COL20A1: variants seen among roughly 807,000 people sequenced by gnomAD.
COL20A1 encodes the protein collagen alpha-1(XX) chain.
In COL20A1, 164 loss-of-function variants were observed where a neutral mutation model predicts 152.9. That is an observed-to-expected ratio of 1.07 (90% confidence interval 0.94 to 1.22). The LOEUF (loss-of-function observed/expected upper bound fraction) is 1.22. Among genes scored for constraint, COL20A1 ranks in the 50% most tolerant of loss-of-function variants. The probability of loss-of-function intolerance (pLI) is 0.00; values close to 1 mark genes in which losing one functional copy is unlikely to be tolerated. For missense variants in COL20A1, 1,873 were observed against 1,744.8 expected (o/e 1.07, Z -1.31); for synonymous variants, 864 against 756.0 (o/e 1.14, Z -2.34).
rs1568788346 is a variant in COL20A1 at position 63,325,428 on chromosome 20, C to T, written c.3295-13C>T. 2 of 1,607,594 alleles carry T rather than the reference C, an allele frequency of 1.2e-6. No individual in the cohort carries two copies. Among genetic ancestry groups the T allele is most frequent in the Admixed American group, 1.7e-5 (1 of 59,930 alleles). On this transcript the variant is annotated splice_polypyrimidine_tract_variant and intron_variant, in intron 27 of 35. Coordinates refer to ENST00000358894, the MANE Select transcript of COL20A1 (RefSeq NM_020882.4). ...CCCTCCGCTTCGCTGTCCAGCCCAT[C>T]TTCCCCCTCCAGGGTCCACCAGGGG...
At position 63,312,406 on chromosome 20, in the gene COL20A1, CCCACCTG is replaced by C. The variant is rs1268935742; in HGVS notation, c.1804-12_1804-6del. 1 of 1,560,956 alleles carries C rather than the reference CCCACCTG, an allele frequency of 6.4e-7. No individual in the cohort carries two copies. The highest frequency in any genetic ancestry group is 8.6e-7 in the Non-Finnish European group (1 of 1,158,748). ...CCAGCTGGGCCTGCCATGTCGCCCT[CCCACCTG>C]CTGCAGACAGAGGCTCCTGGGAACG... On this transcript the variant is annotated splice_region_variant and splice_polypyrimidine_tract_variant and intron_variant, in intron 14 of 35. Coordinates refer to ENST00000358894, the MANE Select transcript of COL20A1 (RefSeq NM_020882.4).
rs551265362 is a variant in COL20A1 at position 63,333,369 on chromosome 20, C to A, written c.*2653C>A. 1 of 152,302 alleles carries A rather than the reference C, an allele frequency of 6.6e-6. No homozygotes were observed. Among genetic ancestry groups the A allele is most frequent in the Non-Finnish European group, 1.5e-5 (1 of 68,172 alleles). 9.4% of individuals were successfully genotyped at this position (152,302 alleles called of 1,614,324 possible). A position where few individuals can be genotyped will look rare whatever the true frequency, so the allele number is the denominator to read the frequency against. On this transcript the variant is annotated 3_prime_UTR_variant, in exon 36 of 36. Coordinates refer to ENST00000358894, the MANE Select transcript of COL20A1 (RefSeq NM_020882.4). The stretch of plus-strand genomic sequence containing the variant: ...GGCTGATCTGACGCTCAGCTCAGGC[C>A]GCTGGGGTCATGGGGGTTGTGGGAA...
In COL20A1 at chr20:63,320,298, T is replaced by G. The variant is rs745909746; in HGVS notation, c.3083T>G (p.Leu1028Arg). The change falls in exon 25 of 36, where the codon CTC becomes CGC. Residue 1028 changes from leucine to arginine, a missense_variant. Leu to Arg is a moderately radical substitution (Grantham distance 102, BLOSUM62 -2). Transcript: ENST00000358894. ...GGCTCCCCTGCGTTGCAGTTTCAGCTCCAGATGCTGCAGATCGTGTGCAGT... is the reference window on the plus strand; with the variant it reads ...GGCTCCCCTGCGTTGCAGTTTCAGCGCCAGATGCTGCAGATCGTGTGCAGT... ...GPRSSSAAFQ[L>R]QMLQIVCSDT... The G allele has an allele frequency of 6.2e-7, 1 of 1,610,296 alleles. No homozygotes were observed. The highest frequency in any genetic ancestry group is 8.5e-7 in the Non-Finnish European group (1 of 1,179,794).
At chr20:63,324,139 C>T (rs1267636365) in intron 27 of COL20A1, among the ~76,000 whole-genome samples, 1 of 152,196 alleles carries the variant, frequency 6.6e-6, no homozygotes, top group Non-Finnish European at 1.5e-5. Context: ...CTCATTACAG[C>T]TTCTACCTCA....
intron 2 of COL20A1, among the ~76,000 whole-genome samples, chr20:63,297,239 A>T (rs540864978): frequency 6.6e-6 from 1 of 151,270 alleles, no homozygotes. Flanking sequence ...GACCCAGCCC[A>T]GGGGACTCAG....
In COL20A1 at chr20:63,310,466, A is replaced by G. The variant is rs372796994; in HGVS notation, c.1349A>G (p.Tyr450Cys). Residue 450 changes from tyrosine (Y) to cysteine (C), a missense_variant, in exon 11 of 36, where the codon TAT (tyrosine) becomes TGT (cysteine). Tyr to Cys is a radical substitution (Grantham distance 194). Transcript: ENST00000358894. Reference sequence around the variant, plus strand: ...TACCTGGTCTCCGTGTTCCCCATCTATGAGGGCGGGGTTGGCGAAGGCCTG... The same window carrying G: ...TACCTGGTCTCCGTGTTCCCCATCTGTGAGGGCGGGGTTGGCGAAGGCCTG... ...TEYLVSVFPI[Y>C]EGGVGEGLRG... 8.1e-6 allele frequency: 13 copies of G among 1,608,376 alleles called. No individual in the cohort carries two copies. In the African/African-American group the frequency reaches 1.2e-4, roughly 15 times the overall value.
chr20:63,309,406 G>A lies in COL20A1; in HGVS notation c.1014G>A (p.Val338=). ...CGAGGGACATCACCGTCCACAGCGT[G>A]CTGGACTTCCTGCAGCTCGGCGCGC... is the stretch of plus-strand genomic sequence containing the variant. ...SPPRDITVHS[V]LDFLQLGALA... Residue 338 remains valine, a synonymous_variant, in exon 9 of 36, where the codon GTG becomes GTA. Transcript: ENST00000358894. 6.4e-7 allele frequency: 1 copy of A among 1,559,794 alleles called. No homozygotes were observed. The highest frequency in any genetic ancestry group is 1.2e-5 in the South Asian group (1 of 84,664).
intron 3 of COL20A1, among the ~76,000 whole-genome samples, chr20:63,298,882 A>G (rs1268660578): frequency 1.3e-5 from 2 of 152,252 alleles, no homozygotes; most frequent in Non-Finnish European, 2.9e-5. Context: ...TGGCCAACTC[A>G]AACCCCTCCT....
At position 63,316,655 on chromosome 20, in the gene COL20A1, C is replaced by G; in HGVS notation, c.2627C>G (p.Thr876Arg). ...GCCTTCGGTGGGACCCCGACCTTCA[C>G]GCTCTTCAAGGACGCCCAGCTGACA... The part of the protein sequence containing the change: ...PSAFGGTPTF[T>R]LFKDAQLTRR... Residue 876 changes from threonine (T) to arginine (R), a missense_variant, in exon 21 of 36, where the codon ACG becomes AGG. Physicochemically the swap from Thr to Arg is moderately conservative, Grantham distance 71. Coordinates refer to ENST00000358894, the MANE Select transcript of COL20A1 (RefSeq NM_020882.4). 1 of 1,576,034 alleles carries G rather than the reference C, an allele frequency of 6.3e-7. No homozygotes were observed. The highest frequency in any genetic ancestry group is 8.6e-7 in the Non-Finnish European group (1 of 1,161,738).
At chr20:63,328,046 C>G (rs767516803) in intron 32 of COL20A1, 33 bp from the exon 33 acceptor site, 14 of 1,613,076 alleles carry the variant, frequency 8.7e-6, no homozygotes, top group Middle Eastern at 1.6e-4. Context: ...ACCTGCCACA[C>G]GGGTCCCAAA....
At position 63,297,858 on chromosome 20, in the gene COL20A1, A is replaced by AGGT; in HGVS notation, c.83-49_83-47dup. On this transcript the variant is annotated intron_variant, in intron 2 of 35. Coordinates refer to ENST00000358894, the MANE Select transcript of COL20A1 (RefSeq NM_020882.4). ...GATGCCTGTACCCCCACAGCTGATT[A>AGGT]GGTGGATGGGGAGGCCAGGTCAGTC... The AGGT allele has an allele frequency of 2.2e-6, 3 of 1,380,534 alleles. No homozygotes were observed. The South Asian group carries it at 3.6e-5, about 16-fold the overall frequency. 85.5% of individuals were successfully genotyped at this position (1,380,534 alleles called of 1,614,324 possible). A position where few individuals can be genotyped will look rare whatever the true frequency, so the allele number is the denominator to read the frequency against.
At position 63,331,396 on chromosome 20, in the gene COL20A1, C is replaced by G. The variant is rs1472205230; in HGVS notation, c.*680C>G. ...AATGGCCACCCCTCACCCACCCAGC[C>G]CTGTGCTGAGTTCCTTGTGCAGGGA... On this transcript the variant is annotated 3_prime_UTR_variant, in exon 36 of 36. Coordinates refer to ENST00000358894, the MANE Select transcript of COL20A1 (RefSeq NM_020882.4). The G allele has an allele frequency of 6.6e-6, 1 of 152,398 alleles. No individual in the cohort carries two copies. The highest frequency in any genetic ancestry group is 1.5e-5 in the Non-Finnish European group (1 of 68,144). 9.4% of individuals were successfully genotyped at this position (152,398 alleles called of 1,614,324 possible). A position where few individuals can be genotyped will look rare whatever the true frequency, so the allele number is the denominator to read the frequency against.
intron 3 of COL20A1, among the ~76,000 whole-genome samples, chr20:63,301,475 T>C (rs1275578328): frequency 6.6e-6 from 1 of 152,238 alleles, no homozygotes. Context: ...ATAGTTACTA[T>C]GTTTGGGGTC....
intron 21 of COL20A1, 71 bp downstream of exon 21, chr20:63,316,762 G>A (rs376810061): frequency 9.4e-6 from 13 of 1,388,460 alleles, no homozygotes; most frequent in African/African-American, 5.9e-5. Flanking sequence ...AGGACATGGT[G>A]GGGGGGCGGG....
intron 6 of COL20A1, 123 bp downstream of exon 6, chr20:63,307,771 C>A (rs570530084): frequency 2.4e-6 from 3 of 1,238,402 alleles, no homozygotes; most frequent in Non-Finnish European, 3.4e-6. Context: ...TGGGGTGGGA[C>A]GCCTGCTCCA....
At chr20:63,316,501 C>G in intron 20 of COL20A1, 52 bp from the exon 21 acceptor site, 1 of 1,532,876 alleles carries the variant, frequency 6.5e-7, no homozygotes, top group Non-Finnish European at 8.8e-7. Flanking sequence ...TCCTCCCTCC[C>G]CTGCCATCTC....
In COL20A1 at chr20:63,332,706, A is replaced by T. The variant is rs2068348233; in HGVS notation, c.*1990A>T. Reference sequence around the variant, plus strand: ...CCGCCACGCTGGTGTGACACCAGTGATGCTCAGCCTCAAAAGGGGAGTCCG... The same window carrying T: ...CCGCCACGCTGGTGTGACACCAGTGTTGCTCAGCCTCAAAAGGGGAGTCCG... On this transcript the variant is annotated 3_prime_UTR_variant, in exon 36 of 36. Transcript: ENST00000358894. The T allele has an allele frequency of 6.6e-6, 1 of 152,284 alleles. No homozygotes were observed. The highest frequency in any genetic ancestry group is 6.5e-5 in the Admixed American group (1 of 15,284). The allele number at this position is 152,284 out of a possible 1,614,324, so 9.4% of individuals were successfully genotyped here.
chr20:63,326,280 TCTG>T, intron 30 of COL20A1, 131 bp downstream of exon 30: 1 of 719,720 alleles, frequency 1.4e-6, no homozygotes, highest in East Asian at 2.6e-5. Flanking sequence ...GGGCCTCACT[TCTG>T]CTGGAACTTT....
chr20:63,307,948 G>T, intron 6 of COL20A1, 23 bp from the exon 7 acceptor site: 1 of 1,610,390 alleles, frequency 6.2e-7, no homozygotes, highest in Non-Finnish European at 8.5e-7. Context: ...AACTCAGCCC[G>T]TGGCCATGCC....
Sources: gnomAD v4.1 joint callset for allele counts (sites outside exome capture counted in the v4.1 genomes callset) on GRCh38, gnomAD v4.1.1 for gene constraint, MANE v1.5 for transcripts, NCBI Gene and HGNC (gene_info 2026-07-23, HGNC 2026-07-21) for gene names.